CCDC102B: variants seen among roughly 807,000 people sequenced by gnomAD.
CCDC102B encodes the protein coiled-coil domain-containing protein 102B.
A neutral mutation model predicts 57.4 loss-of-function variants in CCDC102B; 75 were observed. The ratio of observed to expected loss-of-function variants is 1.31; its 90% CI spans 1.08 to 1.58. The LOEUF (loss-of-function observed/expected upper bound fraction) is 1.58, where lower values mean the gene tolerates loss of function less well. Among genes scored for constraint, CCDC102B ranks in the 40% most tolerant of loss-of-function variants. CCDC102B has a pLI of 0.00. For missense variants in CCDC102B, 636 were observed against 582.6 expected (o/e 1.09, Z -0.94); for synonymous variants, 206 against 201.9 (o/e 1.02, Z -0.17).
intron 2 of CCDC102B, among the ~76,000 whole-genome samples, chr18:68,740,957 A>G (rs1307886607): frequency 6.6e-6 from 1 of 152,200 alleles, no homozygotes; most frequent in Non-Finnish European, 1.5e-5. Flanking sequence ...TTTTCCTCTC[A>G]GACTTCAATG....
intron 2 of CCDC102B, among the ~76,000 whole-genome samples, chr18:68,745,415 C>G (rs943131377): frequency 6.6e-6 from 1 of 151,486 alleles, no homozygotes; most frequent in Non-Finnish European, 1.5e-5. Flanking sequence ...TCTGTGAAAA[C>G]AAAATATTTG....
intron 5 of CCDC102B, among the ~76,000 whole-genome samples, chr18:68,880,286 C>A (rs966426036): frequency 6.6e-6 from 1 of 152,226 alleles, no homozygotes; most frequent in Non-Finnish European, 1.5e-5. Context: ...CCAGCTGCTC[C>A]GAGTGCGGGG....
chr18:68,764,219 A>G (rs902321703), intron 2 of CCDC102B, among the ~76,000 whole-genome samples: 3 of 152,028 alleles, frequency 2.0e-5, no homozygotes, highest in East Asian at 1.9e-4. Flanking sequence ...CTTTTTTCCA[A>G]TGGATTTTAT....
At chr18:68,931,214 AG>A (rs1176964262) in intron 6 of CCDC102B, among the ~76,000 whole-genome samples, 1 of 151,898 alleles carries the variant, frequency 6.6e-6, no homozygotes. Flanking sequence ...TATATAATGA[AG>A]GCTTTACATT....
intron 1 of CCDC102B, among the ~76,000 whole-genome samples, chr18:68,715,909 G>A (rs1251183619): frequency 6.6e-6 from 1 of 152,126 alleles, no homozygotes; most frequent in Non-Finnish European, 1.5e-5. Flanking sequence ...ACAACAGAAG[G>A]GGGATATGAT....
intron 6 of CCDC102B, among the ~76,000 whole-genome samples, chr18:68,926,230 A>G (rs1392347136): frequency 6.6e-6 from 1 of 151,940 alleles, no homozygotes; most frequent in Non-Finnish European, 1.5e-5. Flanking sequence ...AAGTATTTAG[A>G]AATATTTATA....
chr18:69,047,254 G>A (rs72962008), intron 7 of CCDC102B, among the ~76,000 whole-genome samples: 5,053 of 152,110 alleles, frequency 0.033, 139 homozygotes, highest in East Asian at 0.15. Flanking sequence ...ATCAATAAAT[G>A]TGAATCATCA....
upstream of CCDC102B, among the ~76,000 whole-genome samples, chr18:68,794,698 G>T (rs1415042459): frequency 6.6e-6 from 1 of 152,088 alleles, no homozygotes; most frequent in East Asian, 1.9e-4. Context: ...CCAAGTGATT[G>T]TTATATGATA....
intron 6 of CCDC102B, among the ~76,000 whole-genome samples, chr18:68,909,160 A>T (rs2040748787): frequency 8.7e-6 from 1 of 114,860 alleles, no homozygotes; most frequent in Non-Finnish European, 1.8e-5. Flanking sequence ...AAAAAAAGGA[A>T]AACAAGAAGG....
intron 2 of CCDC102B, among the ~76,000 whole-genome samples, chr18:68,748,732 G>C (rs971600174): frequency 6.6e-6 from 1 of 152,118 alleles, no homozygotes; most frequent in Non-Finnish European, 1.5e-5. Flanking sequence ...AGCTAAAGCA[G>C]ATTCTGTTTT....
intron 5 of CCDC102B, among the ~76,000 whole-genome samples, chr18:68,878,382 G>A (rs2039534664): frequency 6.6e-6 from 1 of 152,168 alleles, no homozygotes; most frequent in Admixed American, 6.5e-5. Flanking sequence ...ACAGGCGTGA[G>A]CCACCACGCC....
chr18:68,715,222 C>T, upstream of CCDC102B: 1 of 1,364,074 alleles, frequency 7.3e-7, no homozygotes, highest in South Asian at 1.7e-5. Context: ...TCTTAAGAAT[C>T]CTTTGCGCTC....
At chr18:68,926,167 G>A (rs552323155) in intron 6 of CCDC102B, among the ~76,000 whole-genome samples, 1 of 151,940 alleles carries the variant, frequency 6.6e-6, no homozygotes, top group East Asian at 1.9e-4. Flanking sequence ...ATGTAATAGT[G>A]TAACAATAAA....
intron 6 of CCDC102B, among the ~76,000 whole-genome samples, chr18:68,943,706 C>T (rs944009941): frequency 4.6e-5 from 7 of 152,056 alleles, no homozygotes; most frequent in African/African-American, 9.7e-5. Flanking sequence ...AGAAAAATGC[C>T]ACACTTTGAG....
intron 1 of CCDC102B, among the ~76,000 whole-genome samples, chr18:68,827,185 A>G (rs1017437081): frequency 1.3e-5 from 2 of 152,160 alleles, no homozygotes; most frequent in African/African-American, 4.8e-5. Context: ...AGGAAATTCT[A>G]TAAACAGAAA....
At chr18:68,745,358 G>A (rs190733236) in intron 2 of CCDC102B, among the ~76,000 whole-genome samples, 2 of 151,994 alleles carry the variant, frequency 1.3e-5, no homozygotes, top group East Asian at 1.9e-4. Context: ...ACTAGGAAGC[G>A]TATTCTCTCC....
chr18:68,735,113 G>A (rs1242789605), intron 2 of CCDC102B, among the ~76,000 whole-genome samples: 3 of 152,162 alleles, frequency 2.0e-5, no homozygotes, highest in East Asian at 3.9e-4. Context: ...GTGCAGTGGT[G>A]CAGTCTCGGC....
At chr18:69,027,322 A>G (rs1599867960) in intron 7 of CCDC102B, among the ~76,000 whole-genome samples, 1 of 152,158 alleles carries the variant, frequency 6.6e-6, no homozygotes, top group African/African-American at 2.4e-5. Context: ...TCTTGACATT[A>G]TTAAAACGGT....
chr18:68,878,336 G>A lies in CCDC102B; in HGVS notation c.1053+3551G>A, dbSNP rs188659577. ...CTGGTCCTGAACTCCTAAGCTAAAT[G>A]ATCCACTCACCTCGGCCTCCCAAAG... is the stretch of plus-strand genomic sequence containing the variant. On this transcript the variant is annotated intron_variant, in intron 5 of 7. Transcript: ENST00000360242. Among the ~76,000 whole-genome samples the A allele has an allele frequency of 4.1e-3, 622 of 152,252 alleles. 8 individuals carry two copies. The highest frequency in any genetic ancestry group is 7.1e-3 in the Admixed American group (109 of 15,298).
Sources: allele counts gnomAD v4.1 joint callset (sites outside exome capture counted in the v4.1 genomes callset), GRCh38; gene constraint gnomAD v4.1.1; transcripts MANE v1.5; gene names NCBI Gene and HGNC (gene_info 2026-07-23, HGNC 2026-07-21).